PPP2R2B: variants seen among roughly 807,000 people sequenced by gnomAD.
PPP2R2B encodes the protein protein phosphatase 2 regulatory subunit Bbeta, also known as serine/threonine-protein phosphatase 2A 55 kDa regulatory subunit B beta isoform.
In PPP2R2B, 5 loss-of-function variants were observed where a neutral mutation model predicts 46.0. The observed-to-expected ratio is 0.11, with a 90% CI of 0.06 to 0.23. The LOEUF is 0.23. PPP2R2B is among the 10% of genes least tolerant of loss of function. The probability of loss-of-function intolerance (pLI) is 1.00; values close to 1 mark genes in which losing one functional copy is unlikely to be tolerated. For missense variants in PPP2R2B, 367 were observed against 575.0 expected (o/e 0.64, Z 3.70); for synonymous variants, 215 against 206.7 (o/e 1.04, Z -0.34).
At chr5:146,878,936 G>C (rs1426598287), upstream of PPP2R2B, 2 of 1,136,950 alleles carry the variant, frequency 1.8e-6, no homozygotes, top group South Asian at 1.8e-5. The surrounding 1 kb of genome is among the most constrained non-coding windows in gnomAD (Gnocchi z 4.5). Context: ...CTAGCTTGCA[G>C]GTTCAGGTGG....
chr5:147,009,749 C>A (rs1259024182), intron 1 of PPP2R2B, among the ~76,000 whole-genome samples: 3 of 151,962 alleles, frequency 2.0e-5, no homozygotes, highest in Admixed American at 6.6e-5. Context: ...ATTTGGCATA[C>A]ATAGACATGG....
At chr5:146,590,814 A>AAG (rs1238978034) in intron 9 of PPP2R2B, among the ~76,000 whole-genome samples, 1 of 152,172 alleles carries the variant, frequency 6.6e-6, no homozygotes, top group African/African-American at 2.4e-5. Context: ...TAGAAAACTT[A>AAG]TCTACGAAAT....
chr5:146,808,286 A>G (rs551738314), intron 2 of PPP2R2B, among the ~76,000 whole-genome samples: 1 of 152,320 alleles, frequency 6.6e-6, no homozygotes, highest in South Asian at 2.1e-4. Context: ...CAAGGGCTCA[A>G]CAGTCACATG....
chr5:146,605,675 G>A (rs1212458273), intron 7 of PPP2R2B, among the ~76,000 whole-genome samples: 2 of 152,144 alleles, frequency 1.3e-5, no homozygotes, highest in South Asian at 2.1e-4. Flanking sequence ...TTCCCCAGGG[G>A]GCATGACTGC....
chr5:146,739,062 C>G (rs1212182571), intron 2 of PPP2R2B, among the ~76,000 whole-genome samples: 4 of 151,932 alleles, frequency 2.6e-5, no homozygotes, highest in Non-Finnish European at 5.9e-5. Context: ...CTGTGTTGCC[C>G]AGGCTGGAGT....
chr5:146,628,366 C>T (rs1774201805), intron 7 of PPP2R2B, among the ~76,000 whole-genome samples: 1 of 152,188 alleles, frequency 6.6e-6, no homozygotes, highest in African/African-American at 2.4e-5. Context: ...ATTTCTGTGG[C>T]CAATCCTTGG....
intron 1 of PPP2R2B, among the ~76,000 whole-genome samples, chr5:147,012,197 T>C (rs574875917): frequency 7.2e-5 from 11 of 152,062 alleles, no homozygotes; most frequent in South Asian, 6.2e-4. Context: ...AGCTGTGAAT[T>C]CATCTGGTCC....
At position 147,045,272 on chromosome 5, in the gene PPP2R2B, C is replaced by T. The variant is rs919573047; in HGVS notation, c.79+10393G>A. On this transcript the variant is annotated intron_variant, in intron 1 of 8. Coordinates refer to the PPP2R2B transcript ENST00000336640. ...TTTGGTCAATAATCAACCACATATACGATGGTGATTCCATAAGATTTTCAA... is the reference window on the plus strand; with the variant it reads ...TTTGGTCAATAATCAACCACATATATGATGGTGATTCCATAAGATTTTCAA... 6.6e-5 allele frequency among the ~76,000 whole-genome samples: 10 copies of T among 152,220 alleles called. No individual in the cohort carries two copies. The South Asian group carries it at 8.3e-4, about 13-fold the overall frequency.
chr5:147,044,363 G>A (rs886524262), intron 1 of PPP2R2B, among the ~76,000 whole-genome samples: 2 of 152,108 alleles, frequency 1.3e-5, no homozygotes, highest in Non-Finnish European at 2.9e-5. Flanking sequence ...GGGGTTCAGG[G>A]CACCTGTGAA....
At chr5:146,729,704 G>A (rs1311168173) in intron 2 of PPP2R2B, among the ~76,000 whole-genome samples, 1 of 152,238 alleles carries the variant, frequency 6.6e-6, no homozygotes, top group Non-Finnish European at 1.5e-5. Flanking sequence ...TCAGAAGGTG[G>A]AAGCCTCAAG....
intron 1 of PPP2R2B, chr5:147,035,034 T>C: frequency 2.2e-6 from 1 of 447,644 alleles, no homozygotes; most frequent in Non-Finnish European, 4.5e-6. Flanking sequence ...GATAAAACTT[T>C]GGTAGCAATC....
rs752373767 is a variant in PPP2R2B, at chr5:146,691,112, A to G, written c.447+16T>C. ...TGCCCCTGACTGTGGTGGCCAGGGC[A>G]GCTGTTTGCACTCACCCGCAGGGTT... is the stretch of plus-strand genomic sequence containing the variant. On this transcript the variant is annotated intron_variant, in intron 5 of 9. Transcript: ENST00000394411. The G allele has an allele frequency of 6.2e-7, 1 of 1,609,400 alleles. No individual in the cohort carries two copies. The highest frequency in any genetic ancestry group is 1.1e-5 in the South Asian group (1 of 90,850).
Position 147,050,718 on chromosome 5 carries a change from G to A in PPP2R2B, c.79+4947C>T, listed in dbSNP as rs537109972. 2.1e-4 allele frequency among the ~76,000 whole-genome samples: 32 copies of A among 151,716 alleles called. 1 individual carries two copies. In the South Asian group the frequency reaches 4.0e-3, roughly 19 times the overall value. ...TCCATACCTACATTGATATACACAC[G>A]GTGAAATTGTGCCTAGCAAATAGTA... On this transcript the variant is annotated intron_variant, in intron 1 of 8. Transcript: ENST00000336640.
chr5:146,962,590 G>C (rs1308336753), intron 1 of PPP2R2B, among the ~76,000 whole-genome samples: 1 of 152,044 alleles, frequency 6.6e-6, no homozygotes, highest in African/African-American at 2.4e-5. Context: ...CCAGGAGGCA[G>C]AGGTTGCAGT....
chr5:146,956,065 C>A (rs931424805), intron 1 of PPP2R2B, among the ~76,000 whole-genome samples: 18 of 152,028 alleles, frequency 1.2e-4, no homozygotes, highest in African/African-American at 4.1e-4. Flanking sequence ...GTGTGAGCCA[C>A]TGAGCCTGGC....
intron 2 of PPP2R2B, among the ~76,000 whole-genome samples, chr5:146,840,869 C>G (rs1218143203): frequency 6.6e-6 from 1 of 152,106 alleles, no homozygotes. Flanking sequence ...ATAAAAGAAA[C>G]AAACACGTCC....
intron 1 of PPP2R2B, among the ~76,000 whole-genome samples, chr5:146,964,803 G>A (rs561140857): frequency 2.0e-5 from 3 of 152,220 alleles, no homozygotes; most frequent in South Asian, 2.1e-4. Flanking sequence ...GGGATTACAG[G>A]TGTGAGCCAC....
At chr5:146,939,291 C>A (rs1561530922) in intron 1 of PPP2R2B, among the ~76,000 whole-genome samples, 1 of 152,130 alleles carries the variant, frequency 6.6e-6, no homozygotes, top group Admixed American at 6.5e-5. Context: ...AATACTTCTA[C>A]CTCAGGGTAC....
At chr5:147,078,128 T>C (rs1271298673) in intron 2 of PPP2R2B, among the ~76,000 whole-genome samples, 2 of 152,206 alleles carry the variant, frequency 1.3e-5, no homozygotes, top group Admixed American at 6.5e-5. Flanking sequence ...TCATAAGTAA[T>C]GTAGGAATAA....
Sources: allele counts gnomAD v4.1 joint callset (sites outside exome capture counted in the v4.1 genomes callset), GRCh38; gene constraint gnomAD v4.1.1; non-coding constraint Gnocchi (gnomAD v3.1); transcripts MANE v1.5; gene names NCBI Gene and HGNC (gene_info 2026-07-23, HGNC 2026-07-21).